NDE1: variants seen among roughly 807,000 people sequenced by gnomAD.
The protein encoded by NDE1 is nudE neurodevelopment protein 1, also known as nuclear distribution protein nudE homolog 1.
NDE1 carries 28 observed loss-of-function variants against 43.4 expected under a neutral mutation model. The observed-to-expected ratio is 0.65, with a 90% confidence interval of 0.48 to 0.89. The LOEUF is 0.89. NDE1 is among the 40% of genes least tolerant of loss of function. NDE1 has a pLI of 0.00. For missense variants in NDE1, 441 were observed against 434.1 expected, an observed-to-expected ratio of 1.02 and a Z score of -0.14; for synonymous variants, 184 against 172.0, an observed-to-expected ratio of 1.07 and a Z score of -0.55.
rs761352135 is a variant in NDE1 at position 15,650,268 on chromosome 16, C to T, written c.-70C>T. 6.5e-6 allele frequency: 2 copies of T among 309,894 alleles called. No individual in the cohort carries two copies. The highest frequency in any genetic ancestry group is 3.7e-5 in the Admixed American group (1 of 27,180). 19.2% of individuals were successfully genotyped at this position (309,894 alleles called of 1,614,324 possible). On this transcript the variant is annotated 5_prime_UTR_variant, in exon 1 of 9. Coordinates refer to ENST00000396354, the MANE Select transcript of NDE1 (RefSeq NM_017668.3). ...TCGCAGCCGCCTCTGCCGCCGCCGC[C>T]GCGTTGGCCTCGCCGCCCCTGCTCG...
At chr16:15,698,398 A>AG (rs375094550) in intron 8 of NDE1, among the ~76,000 whole-genome samples, 2 of 152,282 alleles carry the variant, frequency 1.3e-5, no homozygotes, top group South Asian at 2.1e-4. Context: ...ACCTTGTCTC[A>AG]GAAAAAAAAG....
chr16:15,687,533 C>A, intron 5 of NDE1, 22 bp downstream of exon 5: 1 of 1,600,156 alleles, frequency 6.2e-7, no homozygotes, highest in Non-Finnish European at 8.6e-7. Flanking sequence ...TTGGTGTCTT[C>A]ACCAGCATGG....
intron 1 of NDE1, among the ~76,000 whole-genome samples, chr16:15,663,191 A>G (rs2037134124): frequency 6.7e-6 from 1 of 148,994 alleles, no homozygotes; most frequent in Non-Finnish European, 1.5e-5. Context: ...GTTTCTCCTC[A>G]TTCCTTCTTC....
At chr16:15,701,652 G>C (rs569730132) in intron 8 of NDE1, 1 of 152,242 alleles carries the variant, frequency 6.6e-6, no homozygotes, top group Non-Finnish European at 1.5e-5. Flanking sequence ...AGGAACTGCT[G>C]TCTCTTTGGG....
intron 2 of NDE1, among the ~76,000 whole-genome samples, chr16:15,665,692 G>A (rs1182756431): frequency 1.3e-5 from 2 of 151,322 alleles, no homozygotes; most frequent in Admixed American, 6.6e-5. Context: ...TGATCTGCCC[G>A]TCTCACCCTC....
chr16:15,712,336 T>C (rs1375350404), intron 8 of NDE1, among the ~76,000 whole-genome samples: 1 of 152,098 alleles, frequency 6.6e-6, no homozygotes, highest in Non-Finnish European at 1.5e-5. Flanking sequence ...TTGAGACCTC[T>C]CACCTAGCGC....
At chr16:15,654,030 C>T (rs1382487990) in intron 1 of NDE1, among the ~76,000 whole-genome samples, 2 of 151,998 alleles carry the variant, frequency 1.3e-5, no homozygotes, top group South Asian at 2.1e-4. Flanking sequence ...CACACCCGGC[C>T]GGAAACAAAT....
Position 15,691,220 on chromosome 16 carries a change from G to A in NDE1, c.600G>A (p.Glu200=). ...CCATGCCCAGCTCAGTGGAAGCTGA[G>A]AGGACAGACACAGCTGTGCAGGCCA... ...RTPMPSSVEA[E]RTDTAVQATG... is the part of the protein sequence containing the mutation. The change falls in exon 6 of 9, where the codon GAG becomes GAA. Residue 200 remains glutamate, a synonymous_variant. Transcript: ENST00000396354. 6.2e-7 allele frequency: 1 copy of A among 1,614,218 alleles called. No individual in the cohort carries two copies. The highest frequency in any genetic ancestry group is 8.5e-7 in the Non-Finnish European group (1 of 1,180,044).
chr16:15,669,121 T>C (rs113382173), intron 3 of NDE1, among the ~76,000 whole-genome samples: 2,105 of 151,738 alleles, frequency 0.014, 27 homozygotes, highest in Middle Eastern at 0.048. Context: ...AGGATGGTCT[T>C]GATCTCCTGA....
chr16:15,712,776 G>C (rs1037302891), intron 8 of NDE1: 2 of 146,366 alleles, frequency 1.4e-5, no homozygotes, highest in Non-Finnish European at 3.1e-5. Context: ...ACTGCGTCAC[G>C]TGCTGCTGCC....
intron 8 of NDE1, among the ~76,000 whole-genome samples, chr16:15,710,568 G>A (rs1219076669): frequency 6.6e-6 from 1 of 152,028 alleles, no homozygotes; most frequent in Non-Finnish European, 1.5e-5. Context: ...AGAAAGGGAA[G>A]CAGAGACAGC....
At chr16:15,676,488 A>G (rs886462754) in intron 3 of NDE1, among the ~76,000 whole-genome samples, 1 of 152,058 alleles carries the variant, frequency 6.6e-6, no homozygotes, top group Non-Finnish European at 1.5e-5. Context: ...CTGGGATTAC[A>G]GGTGTGAGCC....
intron 5 of NDE1, among the ~76,000 whole-genome samples, chr16:15,688,697 T>TTTTTTTTTTTC: frequency 1.1e-5 from 1 of 87,472 alleles, no homozygotes; most frequent in Non-Finnish European, 2.1e-5. Flanking sequence ...ACCTTTTTTT[T>TTTTTTTTTTTC]TTTTTTTTTT....
intron 4 of NDE1, among the ~76,000 whole-genome samples, chr16:15,680,564 C>T (rs538450646): frequency 4.5e-4 from 69 of 152,174 alleles, no homozygotes; most frequent in South Asian, 1.5e-3. Flanking sequence ...GATGGAGTCT[C>T]GCTCTGTCTC....
At chr16:15,652,624 T>G (rs1236070913) in intron 1 of NDE1, among the ~76,000 whole-genome samples, 2 of 152,178 alleles carry the variant, frequency 1.3e-5, no homozygotes, top group Non-Finnish European at 2.9e-5. Flanking sequence ...TAGAATAAAA[T>G]TATCCTGGAA....
chr16:15,718,483 C>G, intron 8 of NDE1: 1 of 1,537,098 alleles, frequency 6.5e-7, no homozygotes, highest in Non-Finnish European at 8.7e-7. Context: ...CCTCCCCCGC[C>G]TTAAAAGATG....
chr16:15,703,237 T>A (rs2039281641), intron 8 of NDE1: 1 of 214,828 alleles, frequency 4.7e-6, no homozygotes, highest in African/African-American at 2.3e-5. Flanking sequence ...CGTCTCCTTT[T>A]CAATTCATGT....
chr16:15,724,092 A>T lies in NDE1; in HGVS notation c.948-99A>T, dbSNP rs2040622184. On this transcript the variant is annotated intron_variant, in intron 8 of 8. Coordinates refer to ENST00000396354, the MANE Select transcript of NDE1 (RefSeq NM_017668.3). The stretch of plus-strand genomic sequence containing the variant: ...CAGGCACAGGCCAGAGCCACGCGTC[A>T]TACTCTGCAGAGCTGATTCCCCAAC... 6 of 1,606,628 alleles carry T rather than the reference A, an allele frequency of 3.7e-6. No individual in the cohort carries two copies. The East Asian group carries it at 1.3e-4, about 36-fold the overall frequency.
intron 6 of NDE1, 41 bp from the exon 7 acceptor site, chr16:15,694,122 CTA>C (rs2038891168): frequency 1.9e-6 from 3 of 1,607,564 alleles, no homozygotes; most frequent in African/African-American, 2.7e-5. Context: ...ACAGACATGA[CTA>C]TAGGTTGGTG....
Sources: allele counts gnomAD v4.1 joint callset (sites outside exome capture counted in the v4.1 genomes callset), GRCh38; gene constraint gnomAD v4.1.1; transcripts MANE v1.5; gene names NCBI Gene and HGNC (gene_info 2026-07-23, HGNC 2026-07-21).